The following LMX1A variants were observed in gnomAD, a reference collection of about 807,000 sequenced individuals.
The protein encoded by LMX1A is LIM homeobox transcription factor 1 alpha.
LMX1A carries 15 observed loss-of-function variants against 49.1 expected under a neutral mutation model. That is an observed-to-expected ratio of 0.31 (90% confidence interval 0.20 to 0.47). The LOEUF is 0.47. Among genes scored for constraint, LMX1A ranks in the 20% least tolerant of loss-of-function variants. LMX1A has a pLI of 1.00. For synonymous variants in LMX1A, 167 were observed against 185.7 expected, an observed-to-expected ratio of 0.90 and a Z score of 0.82; for missense variants, 372 against 475.8, an observed-to-expected ratio of 0.78 and a Z score of 2.03.
In LMX1A at chr1:165,205,979, C is replaced by G; in HGVS notation, c.873G>C (p.Thr291=). The change falls in exon 8 of 9, where the codon ACG becomes ACC. Residue 291 remains threonine (T), a synonymous_variant. Coordinates refer to ENST00000342310, the MANE Select transcript of LMX1A (RefSeq NM_177398.4). ...GGAGCTGCTGTGGGGTGGGCAGAGC[C>G]GTGTAGGGGTTCATGATTCCTTCCA... ...AGMEGIMNPY[T]ALPTPQQLLA... is the part of the protein sequence containing the mutation. 6.2e-7 allele frequency: 1 copy of G among 1,606,612 alleles called. No homozygotes were observed. Among genetic ancestry groups the G allele is most frequent in the Non-Finnish European group, 8.5e-7 (1 of 1,177,002 alleles).
intron 3 of LMX1A, among the ~76,000 whole-genome samples, chr1:165,325,810 C>A (rs1169254061): frequency 6.6e-6 from 1 of 152,190 alleles, no homozygotes; most frequent in Non-Finnish European, 1.5e-5. Context: ...ATAAACCAGA[C>A]TTCCCAAAGT....
At chr1:165,299,175 C>A (rs1193839546) in intron 3 of LMX1A, among the ~76,000 whole-genome samples, 1 of 152,214 alleles carries the variant, frequency 6.6e-6, no homozygotes, top group Admixed American at 6.5e-5. Flanking sequence ...TGCTCTCTGA[C>A]AAGAATGCTG....
chr1:165,257,371 C>G (rs1653287647), intron 3 of LMX1A, among the ~76,000 whole-genome samples: 1 of 151,894 alleles, frequency 6.6e-6, no homozygotes, highest in Non-Finnish European at 1.5e-5. Flanking sequence ...GGTCACGAAA[C>G]AGGCCCATGG....
chr1:165,280,221 C>T (rs1027426185), intron 3 of LMX1A, among the ~76,000 whole-genome samples: 3 of 152,210 alleles, frequency 2.0e-5, no homozygotes, highest in African/African-American at 4.8e-5. Flanking sequence ...CTAAGCTTCC[C>T]GTTTTTCCGT....
intron 3 of LMX1A, among the ~76,000 whole-genome samples, chr1:165,351,699 GGGCAA>G (rs2101773440): frequency 6.6e-6 from 1 of 152,302 alleles, no homozygotes; most frequent in African/African-American, 2.4e-5. Context: ...GAGAATTTTA[GGGCAA>G]AAAAGCGGAG....
chr1:165,346,254 A>T (rs1342047777), intron 3 of LMX1A, among the ~76,000 whole-genome samples: 1 of 152,174 alleles, frequency 6.6e-6, no homozygotes, highest in Admixed American at 6.6e-5. Context: ...GTGCAAGGAG[A>T]CGTTGGAGGC....
At chr1:165,235,971 G>C (rs140978805) in intron 4 of LMX1A, among the ~76,000 whole-genome samples, 303 of 152,326 alleles carry the variant, frequency 2.0e-3, no homozygotes, top group African/African-American at 6.8e-3. Context: ...GCGCGCGGGG[G>C]CTTCAGGCAC....
intron 3 of LMX1A, among the ~76,000 whole-genome samples, chr1:165,254,403 G>A (rs983925969): frequency 2.9e-4 from 44 of 152,076 alleles, no homozygotes; most frequent in African/African-American, 9.2e-4. Context: ...AGGAAGAGTG[G>A]GGCAGTCCTG....
In LMX1A at chr1:165,249,654, GA is replaced by G; in HGVS notation, c.264-15del. 6.2e-7 allele frequency: 1 copy of G among 1,605,584 alleles called. No homozygotes were observed. The highest frequency in any genetic ancestry group is 8.5e-7 in the Non-Finnish European group (1 of 1,174,088). On this transcript the variant is annotated splice_polypyrimidine_tract_variant and intron_variant, in intron 3 of 8. Coordinates refer to ENST00000342310, the MANE Select transcript of LMX1A (RefSeq NM_177398.4). Reference sequence around the variant, plus strand: ...ACAGCAAACAGCCTGGCAGCAGGGAGAAAGGAAGTACATGCACCATGAGTAA... The same window carrying G: ...ACAGCAAACAGCCTGGCAGCAGGGAGAAGGAAGTACATGCACCATGAGTAA...
chr1:165,340,655 C>T (rs1284269023), intron 3 of LMX1A, among the ~76,000 whole-genome samples: 1 of 152,212 alleles, frequency 6.6e-6, no homozygotes, highest in Non-Finnish European at 1.5e-5. Flanking sequence ...TGTGTCCTGG[C>T]TAGTTTCCAG....
chr1:165,243,444 A>G (rs190438382), intron 4 of LMX1A, among the ~76,000 whole-genome samples: 114 of 152,314 alleles, frequency 7.5e-4, no homozygotes, highest in East Asian at 4.4e-3. Context: ...GGCAGCAATA[A>G]CACTGTGCTG....
At chr1:165,267,327 TCGAGGTACA>T (rs1653657728) in intron 3 of LMX1A, among the ~76,000 whole-genome samples, 1 of 152,232 alleles carries the variant, frequency 6.6e-6, no homozygotes, top group Non-Finnish European at 1.5e-5. Flanking sequence ...GTAGCATATA[TCGAGGTACA>T]TGTGTTCAGT....
chr1:165,220,020 G>A (rs556958618), intron 4 of LMX1A, among the ~76,000 whole-genome samples: 1 of 152,248 alleles, frequency 6.6e-6, no homozygotes, highest in South Asian at 2.1e-4. Flanking sequence ...GGGAGAGAGG[G>A]CACTTTATGC....
chr1:165,339,160 T>A (rs1310772887), intron 3 of LMX1A, among the ~76,000 whole-genome samples: 1 of 152,194 alleles, frequency 6.6e-6, no homozygotes, highest in Non-Finnish European at 1.5e-5. Context: ...TATCCACTAG[T>A]CACCCTACTC....
intron 3 of LMX1A, among the ~76,000 whole-genome samples, chr1:165,317,731 T>A (rs958744954): frequency 1.3e-5 from 2 of 152,256 alleles, no homozygotes; most frequent in Admixed American, 1.3e-4. Flanking sequence ...CACCTCCAGC[T>A]GAAATGGGTT....
chr1:165,251,938 G>A (rs886369806), intron 3 of LMX1A, among the ~76,000 whole-genome samples: 4 of 152,146 alleles, frequency 2.6e-5, no homozygotes, highest in Admixed American at 1.3e-4. Context: ...CAGCTCTACA[G>A]ATAACCATGC....
chr1:165,284,559 C>T lies in LMX1A; in HGVS notation c.264-34919G>A, dbSNP rs144223810. On this transcript the variant is annotated intron_variant, in intron 3 of 8. Coordinates refer to ENST00000342310, the MANE Select transcript of LMX1A (RefSeq NM_177398.4). ...TAGCGGCATTTTACACGGTGCCTAC[C>T]CAGACCCCCTCCGCTGGGAACAACC... Among the ~76,000 whole-genome samples, 438 of 152,314 alleles carry T rather than the reference C, an allele frequency of 2.9e-3. 3 individuals are homozygous for T. Among genetic ancestry groups the T allele is most frequent in the African/African-American group, 0.01 (427 of 41,570 alleles).
rs770463483 is a variant in LMX1A, at chr1:165,287,807, C to T, written c.264-38167G>A. ...ATTAAAAAAATTAAAAACAGACTGA[C>T]GTACTATATGCCTTATATTTCTCTA... On this transcript the variant is annotated intron_variant, in intron 3 of 8. Coordinates refer to ENST00000342310, the MANE Select transcript of LMX1A (RefSeq NM_177398.4). Among the ~76,000 whole-genome samples the T allele has an allele frequency of 5.3e-5, 8 of 152,252 alleles. No individual in the cohort carries two copies. In the East Asian group the frequency reaches 7.7e-4, roughly 15 times the overall value.
At chr1:165,252,553 G>T (rs1341113612) in intron 3 of LMX1A, among the ~76,000 whole-genome samples, 3 of 152,250 alleles carry the variant, frequency 2.0e-5, no homozygotes, top group Admixed American at 6.5e-5. Flanking sequence ...AAATAAAGAG[G>T]TTTTTTTCTT....
Sources: allele counts gnomAD v4.1 joint callset (sites outside exome capture counted in the v4.1 genomes callset), GRCh38; gene constraint gnomAD v4.1.1; transcripts MANE v1.5; gene names NCBI Gene and HGNC (gene_info 2026-07-23, HGNC 2026-07-21).